Variants in ITGA11 observed in about 807,000 individuals in gnomAD.
The protein encoded by ITGA11 is integrin alpha-11.
A neutral mutation model predicts 141.9 loss-of-function variants in ITGA11; 97 were observed. The ratio of observed to expected loss-of-function variants is 0.68; its 90% CI spans 0.58 to 0.81. The LOEUF (loss-of-function observed/expected upper bound fraction) is 0.81. Among genes scored for constraint, ITGA11 ranks in the 30% least tolerant of loss-of-function variants. The pLI, the probability that ITGA11 is intolerant of heterozygous loss-of-function variation, is 0.00. For missense variants in ITGA11, 1,387 were observed against 1,559.2 expected, an observed-to-expected ratio of 0.89 and a Z score of 1.86; for synonymous variants, 658 against 624.6, an observed-to-expected ratio of 1.05 and a Z score of -0.80.
Position 68,322,862 on chromosome 15 carries a change from A to G in ITGA11, c.2323-1359T>C, listed in dbSNP as rs1251724758. Among the ~76,000 whole-genome samples, 1 of 151,984 alleles carries G rather than the reference A, an allele frequency of 6.6e-6. No homozygotes were observed. The highest frequency in any genetic ancestry group is 2.4e-5 in the African/African-American group (1 of 41,376). On this transcript the variant is annotated intron_variant, in intron 18 of 29. Coordinates refer to ENST00000315757, the MANE Select transcript of ITGA11 (RefSeq NM_001004439.2). This position sits in a 1 kb window ranked among gnomAD's most constrained non-coding sequence, Gnocchi z 5.6. ...GACAGAGGGAGATACCATTTCAAAA[A>G]AAAAAAAAAAGAAAGTAGGGGTTAA...
intron 2 of ITGA11, among the ~76,000 whole-genome samples, chr15:68,400,230 A>C (rs1896433766): frequency 1.3e-5 from 2 of 151,810 alleles, no homozygotes; most frequent in East Asian, 3.9e-4. Flanking sequence ...GAAAACAAAA[A>C]CCTCTGACCT....
rs138519185 is a variant in ITGA11, at chr15:68,316,152, T to C, written c.2716-425A>G. ...GGGGGCCAGAAACGTTTGGTAGGAC[T>C]GCCTTGTCCACCTCTTCTTTGTGTG... On this transcript the variant is annotated intron_variant, in intron 21 of 29. Transcript: ENST00000315757. Among the ~76,000 whole-genome samples the C allele has an allele frequency of 4.3e-4, 66 of 152,318 alleles. No homozygotes were observed. In the East Asian group the frequency reaches 0.011, roughly 25 times the overall value.
In ITGA11 at chr15:68,387,301, A is replaced by C. The variant is rs182905866; in HGVS notation, c.164+15617T>G. Among the ~76,000 whole-genome samples the C allele has an allele frequency of 3.0e-3, 455 of 152,128 alleles. 4 individuals are homozygous for C. Among genetic ancestry groups the C allele is most frequent in the African/African-American group, 0.01 (427 of 41,466 alleles). On this transcript the variant is annotated intron_variant, in intron 2 of 29. Coordinates refer to ENST00000315757, the MANE Select transcript of ITGA11 (RefSeq NM_001004439.2). ...TCTCCCTGGCCCCACAGATGGAGGC[A>C]TCTACACGGTGATTCTGCCTCTGCC...
intron 2 of ITGA11, among the ~76,000 whole-genome samples, chr15:68,390,715 A>G (rs1896098816): frequency 6.6e-6 from 1 of 152,154 alleles, no homozygotes; most frequent in African/African-American, 2.4e-5. Flanking sequence ...TTCCTGTTTT[A>G]CTGATTACAA....
chr15:68,307,830 TG>T lies in ITGA11; in HGVS notation c.3175-135del. On this transcript the variant is annotated intron_variant, in intron 26 of 29. Coordinates refer to ENST00000315757, the MANE Select transcript of ITGA11 (RefSeq NM_001004439.2). This position sits in a 1 kb window ranked among gnomAD's most constrained non-coding sequence, Gnocchi z 6.1. ...CAGGGGACAAAGAGAAAGTTGGGAG[TG>T]GGGGACATGTGCATTGCGTCTGCCA... 1.6e-6 allele frequency: 1 copy of T among 622,248 alleles called. No individual in the cohort carries two copies. The highest frequency in any genetic ancestry group is 4.2e-4 in the Middle Eastern group (1 of 2,386). The allele number at this position is 622,248 out of a possible 1,614,324, so 38.5% of individuals were successfully genotyped here.
rs1230518538 is a variant in ITGA11, at chr15:68,397,738, T to C, written c.164+5180A>G. ...ATTTAAAATATTATATTTAAAATAT[T>C]ATATTTAAAATATTATATTTAAAAT... On this transcript the variant is annotated intron_variant, in intron 2 of 29. Coordinates refer to ENST00000315757, the MANE Select transcript of ITGA11 (RefSeq NM_001004439.2). Among the ~76,000 whole-genome samples, 8 of 60,270 alleles carry C rather than the reference T, an allele frequency of 1.3e-4. 1 individual carries two copies. In the South Asian group the frequency reaches 2.7e-3, roughly 20 times the overall value. The allele number at this position is 60,270 out of a possible 152,430, so 39.5% of individuals were successfully genotyped here. A position where few individuals can be genotyped will look rare whatever the true frequency, so the allele number is the denominator to read the frequency against.
intron 2 of ITGA11, among the ~76,000 whole-genome samples, chr15:68,371,390 G>C (rs1895584592): frequency 6.6e-6 from 1 of 152,156 alleles, no homozygotes; most frequent in African/African-American, 2.4e-5. Flanking sequence ...GCCTCTGGGA[G>C]AATCAGGCGC....
Position 68,348,846 on chromosome 15 carries a change from GA to G in ITGA11, c.1114del (p.Ser372ProfsTer24). 2 of 1,608,972 alleles carry G rather than the reference GA, an allele frequency of 1.2e-6. No homozygotes were observed. The highest frequency in any genetic ancestry group is 1.7e-5 in the Admixed American group (1 of 59,488). The part of the protein sequence containing the change: ...FGLEMSQTGF[S>X]SHVVEDGVLL... ...ACCACATACCTCCACCACGTGCGAG[GA>G]AAAGCCCGTCTGTGACATCTCCAGC... is the stretch of plus-strand genomic sequence containing the variant. On this transcript the variant is annotated frameshift_variant, in exon 10 of 30. Coordinates refer to ENST00000315757, the MANE Select transcript of ITGA11 (RefSeq NM_001004439.2). LOFTEE classifies it high-confidence loss of function.
At chr15:68,383,552 A>ACC (rs769415794) in intron 2 of ITGA11, among the ~76,000 whole-genome samples, 2 of 152,174 alleles carry the variant, frequency 1.3e-5, no homozygotes, top group African/African-American at 4.8e-5. Context: ...AGCACATGCT[A>ACC]CCCTGAGTGA....
intron 1 of ITGA11, among the ~76,000 whole-genome samples, chr15:68,431,036 A>G (rs1008530096): frequency 6.6e-6 from 1 of 152,186 alleles, no homozygotes; most frequent in African/African-American, 2.4e-5. Flanking sequence ...GAGCGCCCAC[A>G]CCCGGCCAGT....
chr15:68,402,556 C>G (rs889696391), intron 2 of ITGA11, among the ~76,000 whole-genome samples: 3 of 152,026 alleles, frequency 2.0e-5, no homozygotes, highest in Non-Finnish European at 4.4e-5. Flanking sequence ...AGCTAGAGAG[C>G]ACACTCACAC....
Position 68,350,916 on chromosome 15 carries a change from G to C in ITGA11, c.895-134C>G, listed in dbSNP as rs943312027. On this transcript the variant is annotated intron_variant, in intron 8 of 29. Transcript: ENST00000315757. ...GGTAGCCATGAGAGTTCCTCGCAAT[G>C]CCATTTGCATTTGGAATGGACTCTC... 2.4e-5 allele frequency: 21 copies of C among 859,200 alleles called. No individual in the cohort carries two copies. In the African/African-American group the frequency reaches 3.2e-4, roughly 13 times the overall value. The allele number at this position is 859,200 out of a possible 1,614,324, so 53.2% of individuals were successfully genotyped here.
chr15:68,414,557 G>A (rs929874285), intron 1 of ITGA11, among the ~76,000 whole-genome samples: 9 of 152,162 alleles, frequency 5.9e-5, no homozygotes, highest in African/African-American at 2.2e-4. Context: ...TAGAAAATGA[G>A]GAAGTAGGGC....
chr15:68,301,756 G>C lies in ITGA11; in HGVS notation c.*1303C>G, dbSNP rs527514294. ...TTTCAAAAATACGACAGTAAAGGTCGTACTATGCACAGGGGGACTGATGCC... is the reference window on the plus strand; with the variant it reads ...TTTCAAAAATACGACAGTAAAGGTCCTACTATGCACAGGGGGACTGATGCC... On this transcript the variant is annotated 3_prime_UTR_variant, in exon 30 of 30. Coordinates refer to ENST00000315757, the MANE Select transcript of ITGA11 (RefSeq NM_001004439.2). This position sits in a 1 kb window ranked among gnomAD's most constrained non-coding sequence, Gnocchi z 4.4. The C allele has an allele frequency of 6.6e-6, 1 of 152,568 alleles. No homozygotes were observed. The highest frequency in any genetic ancestry group is 1.5e-5 in the Non-Finnish European group (1 of 68,028). 9.5% of individuals were successfully genotyped at this position (152,568 alleles called of 1,614,324 possible). A position where few individuals can be genotyped will look rare whatever the true frequency, so the allele number is the denominator to read the frequency against.
rs753906942 is a variant in ITGA11 at position 68,350,752 on chromosome 15, T to C, written c.925A>G (p.Asn309Asp). 6 of 1,613,778 alleles carry C rather than the reference T, an allele frequency of 3.7e-6. No individual in the cohort carries two copies. Among genetic ancestry groups the C allele is most frequent in the Non-Finnish European group, 5.1e-6 (6 of 1,179,786 alleles). Residue 309 changes from asparagine (N) to aspartate (D), a missense_variant, in exon 9 of 30, where the codon AAT becomes GAT. By Grantham distance (23) the Asn-to-Asp change is conservative. Coordinates refer to ENST00000315757, the MANE Select transcript of ITGA11 (RefSeq NM_001004439.2). ...ATTTCATTTAGAAAAGTTTCTGGAT[T>C]GATCCCCCTGCGGTTGTAGTAGCCC... ...VLGYYNRRGI[N>D]PETFLNEIKY...
In ITGA11 at chr15:68,298,865, G is replaced by GC. The variant is rs1182639853; in HGVS notation, c.*4193dup. 6.6e-6 allele frequency: 1 copy of GC among 152,152 alleles called. No individual in the cohort carries two copies. Among genetic ancestry groups the GC allele is most frequent in the Non-Finnish European group, 1.5e-5 (1 of 68,104 alleles). The allele number at this position is 152,152 out of a possible 1,614,324, so 9.4% of individuals were successfully genotyped here. On this transcript the variant is annotated 3_prime_UTR_variant, in exon 30 of 30. Coordinates refer to ENST00000315757, the MANE Select transcript of ITGA11 (RefSeq NM_001004439.2). ...GTTTGAGACCAGCCTGGGCAACATG[G>GC]CGAGACCCTGTCTCTACAAAAAATA... is the stretch of plus-strand genomic sequence containing the variant.
intron 1 of ITGA11, among the ~76,000 whole-genome samples, chr15:68,426,299 G>T (rs919594490): frequency 2.0e-5 from 3 of 152,236 alleles, no homozygotes; most frequent in African/African-American, 7.2e-5. Context: ...GAAGCTCAGA[G>T]CAGGTTCTGA....
At position 68,307,362 on chromosome 15, in the gene ITGA11, C is replaced by A; in HGVS notation, c.3367G>T (p.Asp1123Tyr). ...CAGGGGCTCACCTGGCGGCTGGGAT[C>A]CTCCTCACGGAAGATGAAGGGGCTG... is the stretch of plus-strand genomic sequence containing the variant. ...FHSPFIFREEDPSRQIVFEIS... is the reference protein window; with the variant it reads ...FHSPFIFREEYPSRQIVFEIS... The change falls in exon 28 of 30, where the codon GAT becomes TAT. Residue 1123 changes from aspartate (D) to tyrosine (Y), a missense_variant. Physicochemically the swap from Asp to Tyr is radical, Grantham distance 160 (BLOSUM62 -3). Coordinates refer to ENST00000315757, the MANE Select transcript of ITGA11 (RefSeq NM_001004439.2). The surrounding 1 kb of genome is among the most constrained non-coding windows in gnomAD (Gnocchi z 6.1). 1 of 1,555,980 alleles carries A rather than the reference C, an allele frequency of 6.4e-7. No individual in the cohort carries two copies. Among genetic ancestry groups the A allele is most frequent in the Non-Finnish European group, 8.7e-7 (1 of 1,149,118 alleles).
chr15:68,304,518 G>C lies in ITGA11; in HGVS notation c.3382-633C>G, dbSNP rs997713416. On this transcript the variant is annotated intron_variant, in intron 28 of 29. Transcript: ENST00000315757. This position sits in a 1 kb window ranked among gnomAD's most constrained non-coding sequence, Gnocchi z 6.1. ...TGTCCCAAAGGCAAAAGTGGCCAGGGCGTGAAGGTCAGAAAGTAAGCCCAG... is the reference window on the plus strand; with the variant it reads ...TGTCCCAAAGGCAAAAGTGGCCAGGCCGTGAAGGTCAGAAAGTAAGCCCAG... Among the ~76,000 whole-genome samples the C allele has an allele frequency of 6.6e-6, 1 of 152,102 alleles. No homozygotes were observed. The highest frequency in any genetic ancestry group is 6.5e-5 in the Admixed American group (1 of 15,270).
Sources: gnomAD v4.1 joint callset for allele counts (sites outside exome capture counted in the v4.1 genomes callset) on GRCh38, gnomAD v4.1.1 for gene constraint, Gnocchi (gnomAD v3.1) non-coding constraint, MANE v1.5 for transcripts, NCBI Gene and HGNC (gene_info 2026-07-23, HGNC 2026-07-21) for gene names.